NAALADL2: variants seen among roughly 807,000 people sequenced by gnomAD.
NAALADL2 encodes inactive N-acetylated-alpha-linked acidic dipeptidase-like protein 2.
NAALADL2 carries 76 observed loss-of-function variants against 87.2 expected under a neutral mutation model. The observed-to-expected ratio is 0.87, with a 90% CI of 0.72 to 1.05. The LOEUF is 1.05. NAALADL2 is among the 50% of genes least tolerant of loss of function. The pLI, the probability that NAALADL2 is intolerant of heterozygous loss-of-function variation, is 0.00. For missense variants in NAALADL2, 1,089 were observed against 945.8 expected (o/e 1.15, Z -1.99); for synonymous variants, 354 against 331.0 (o/e 1.07, Z -0.75).
At chr3:174,605,384 A>G (rs1718909668) in intron 2 of NAALADL2, among the ~76,000 whole-genome samples, 2 of 152,050 alleles carry the variant, frequency 1.3e-5, no homozygotes, top group African/African-American at 4.8e-5. Context: ...CTCGGGAAGC[A>G]CAAGGGGTCA....
At chr3:174,921,601 A>C (rs1735193690) in intron 1 of NAALADL2, among the ~76,000 whole-genome samples, 1 of 152,042 alleles carries the variant, frequency 6.6e-6, no homozygotes, top group South Asian at 2.1e-4. Context: ...GGAGATCGAG[A>C]CCATCCTGGC....
intron 4 of NAALADL2, among the ~76,000 whole-genome samples, chr3:175,301,438 C>A (rs986713135): frequency 6.6e-6 from 1 of 151,468 alleles, no homozygotes; most frequent in African/African-American, 2.5e-5. Context: ...TAAATAAATA[C>A]ATAAATACTG....
At chr3:175,637,346 G>A (rs1400647641) in intron 11 of NAALADL2, among the ~76,000 whole-genome samples, 1 of 152,142 alleles carries the variant, frequency 6.6e-6, no homozygotes. Flanking sequence ...ATTTCTCTTT[G>A]TCATACATAG....
At chr3:175,469,287 C>T (rs1338485308) in intron 8 of NAALADL2, among the ~76,000 whole-genome samples, 3 of 152,016 alleles carry the variant, frequency 2.0e-5, no homozygotes, top group African/African-American at 7.2e-5. Context: ...ATTTAGAAAA[C>T]TGCTAGTTGT....
intron 10 of NAALADL2, among the ~76,000 whole-genome samples, chr3:175,594,595 G>A (rs929176300): frequency 6.6e-6 from 1 of 152,002 alleles, no homozygotes; most frequent in Non-Finnish European, 1.5e-5. Flanking sequence ...CTTTCCACAG[G>A]GGCTGAACTA....
chr3:175,228,718 G>T (rs1361236565), intron 2 of NAALADL2, among the ~76,000 whole-genome samples: 2 of 151,860 alleles, frequency 1.3e-5, no homozygotes, highest in Admixed American at 1.3e-4. Context: ...TATAAGAAAA[G>T]TTTGTCTTTT....
chr3:175,764,255 A>G (rs1318511326), intron 13 of NAALADL2, among the ~76,000 whole-genome samples: 1 of 152,052 alleles, frequency 6.6e-6, no homozygotes, highest in Non-Finnish European at 1.5e-5. Flanking sequence ...TAAGCAGACT[A>G]TAGGGACTAT....
chr3:174,538,597 G>A (rs1721937532), intron 1 of NAALADL2, among the ~76,000 whole-genome samples: 1 of 152,064 alleles, frequency 6.6e-6, no homozygotes, highest in Non-Finnish European at 1.5e-5. Context: ...TTTCCTGAAC[G>A]AGGAGAGAAT....
At chr3:174,923,868 T>C (rs1735592733) in intron 1 of NAALADL2, among the ~76,000 whole-genome samples, 1 of 152,242 alleles carries the variant, frequency 6.6e-6, no homozygotes, top group African/African-American at 2.4e-5. Flanking sequence ...TGATATTTTT[T>C]GGGTAGTTCA....
intron 2 of NAALADL2, among the ~76,000 whole-genome samples, chr3:175,201,478 T>A (rs1205474444): frequency 6.6e-6 from 1 of 152,168 alleles, no homozygotes; most frequent in Non-Finnish European, 1.5e-5. Flanking sequence ...TCATTCAACA[T>A]ATCATGAGCC....
chr3:175,772,258 G>A (rs897995672), intron 13 of NAALADL2, among the ~76,000 whole-genome samples: 3 of 151,574 alleles, frequency 2.0e-5, no homozygotes, highest in Non-Finnish European at 4.4e-5. Context: ...AGTTTATTCA[G>A]CTTTATTTAT....
intron 3 of NAALADL2, among the ~76,000 whole-genome samples, chr3:174,765,168 GAGAC>G (rs1713649790): frequency 6.7e-6 from 1 of 149,974 alleles, no homozygotes; most frequent in Admixed American, 6.7e-5. Context: ...GAGAGAGAGA[GAGAC>G]AGAGAGAACA....
intron 2 of NAALADL2, among the ~76,000 whole-genome samples, chr3:174,718,550 G>C (rs77514032): frequency 0.077 from 11,735 of 152,176 alleles, 493 homozygotes; most frequent in Middle Eastern, 0.13. Flanking sequence ...CTTCCAAAAA[G>C]TAGAAGAAAA....
In NAALADL2 at chr3:175,556,046, G is replaced by A. The variant is rs1236141427; in HGVS notation, c.1654-19995G>A. On this transcript the variant is annotated intron_variant, in intron 9 of 13. Transcript: ENST00000454872. ...AAGCCAGAGAACAGCAGACTCCAGAGCTAAGGGCATCGTCTCTGGGTAGCC... is the reference window on the plus strand; with the variant it reads ...AAGCCAGAGAACAGCAGACTCCAGAACTAAGGGCATCGTCTCTGGGTAGCC... 4.6e-5 allele frequency among the ~76,000 whole-genome samples: 7 copies of A among 152,246 alleles called. No individual in the cohort carries two copies. The East Asian group carries it at 1.2e-3, about 25-fold the overall frequency.
chr3:175,236,777 C>CAG (rs1297254658), intron 3 of NAALADL2, among the ~76,000 whole-genome samples: 2 of 152,086 alleles, frequency 1.3e-5, no homozygotes, highest in African/African-American at 4.8e-5. Flanking sequence ...ATATTGGACA[C>CAG]AGAGTATTGT....
chr3:174,523,224 T>C (rs1720441808), intron 1 of NAALADL2, among the ~76,000 whole-genome samples: 1 of 152,166 alleles, frequency 6.6e-6, no homozygotes, highest in Non-Finnish European at 1.5e-5. Context: ...TGTAGACACC[T>C]AAACTTGTTA....
chr3:175,064,337 C>T (rs79794551), intron 1 of NAALADL2, among the ~76,000 whole-genome samples: 16,947 of 151,458 alleles, frequency 0.11, 1,079 homozygotes, highest in East Asian at 0.21. Context: ...ATGATGCTCA[C>T]TTCTCTAAGT....
chr3:175,025,678 A>G (rs911639028), intron 1 of NAALADL2, among the ~76,000 whole-genome samples: 2 of 152,204 alleles, frequency 1.3e-5, no homozygotes, highest in Non-Finnish European at 2.9e-5. Flanking sequence ...AAATATTTTA[A>G]TAAAACCCTA....
At chr3:174,662,273 T>G (rs1725574866) in intron 2 of NAALADL2, among the ~76,000 whole-genome samples, 1 of 152,178 alleles carries the variant, frequency 6.6e-6, no homozygotes, top group Non-Finnish European at 1.5e-5. Context: ...TTTGATCTTA[T>G]TACAACTTGA....
Sources: gnomAD v4.1 joint callset for allele counts (sites outside exome capture counted in the v4.1 genomes callset) on GRCh38, gnomAD v4.1.1 for gene constraint, MANE v1.5 for transcripts, NCBI Gene and HGNC (gene_info 2026-07-23, HGNC 2026-07-21) for gene names.